The following DHX33 variants were observed in gnomAD, a reference collection of about 807,000 sequenced individuals.
The protein encoded by DHX33 is DEAH-box helicase 33.
In DHX33, 42 loss-of-function variants were observed where a neutral mutation model predicts 72.5. The ratio of observed to expected loss-of-function variants is 0.58; its 90% CI spans 0.45 to 0.75. DHX33 has a LOEUF of 0.75. Ranked by LOEUF, DHX33 falls within the 30% of genes least tolerant of loss-of-function variation. The pLI is 0.00. For synonymous variants in DHX33, 358 were observed against 366.1 expected, an observed-to-expected ratio of 0.98 and a Z score of 0.25; for missense variants, 842 against 917.5, an observed-to-expected ratio of 0.92 and a Z score of 1.06.
chr17:5,457,037 T>G (rs1904348995), intron 4 of DHX33, among the ~76,000 whole-genome samples: 1 of 152,150 alleles, frequency 6.6e-6, no homozygotes, highest in Non-Finnish European at 1.5e-5. Context: ...ATACATTAAT[T>G]TGTTTGATGT....
chr17:5,459,413 G>A (rs1904477682), intron 4 of DHX33, among the ~76,000 whole-genome samples: 2 of 151,812 alleles, frequency 1.3e-5, no homozygotes, highest in African/African-American at 4.8e-5. Flanking sequence ...ACTCTAAGTT[G>A]CAACCCATTA....
Position 5,444,407 on chromosome 17 carries a change from T to C in DHX33, c.1922A>G (p.Tyr641Cys), listed in dbSNP as rs745419066. 3.1e-6 allele frequency: 5 copies of C among 1,614,052 alleles called. No individual in the cohort carries two copies. In the African/African-American group the frequency reaches 4.0e-5, roughly 13 times the overall value. ...STAELQPDGT[Y>C]ATTDTHQPVA... ...TGGCTGGTGGGTGTCCGTGGTGGCATAGGTGCCATCTGGCTGAAGCTCGGC... is the reference window on the plus strand; with the variant it reads ...TGGCTGGTGGGTGTCCGTGGTGGCACAGGTGCCATCTGGCTGAAGCTCGGC... The change falls in exon 12 of 12, where the codon TAT (tyrosine) becomes TGT (cysteine). Residue 641 changes from tyrosine to cysteine, a missense_variant. Physicochemically the swap from Tyr to Cys is radical, Grantham distance 194 (BLOSUM62 -2). Transcript: ENST00000225296. This position sits in a 1 kb window ranked among gnomAD's most constrained non-coding sequence, Gnocchi z 4.9.
chr17:5,444,509 G>A lies in DHX33; in HGVS notation c.1820C>T (p.Ser607Leu). Reference protein sequence around the residue: ...AQLRDICLKMSMPIASSRGDV... With the variant: ...AQLRDICLKMLMPIASSRGDV... ...TCCTCGGGATGATGCGATTGGCATT[G>A]ACATCTGTTTCGGGAGAAAGCGAGG... is the stretch of plus-strand genomic sequence containing the variant. Residue 607 changes from serine to leucine, a missense_variant, in exon 12 of 12, where the codon TCA becomes TTA. Physicochemically the swap from Ser to Leu is moderately radical, Grantham distance 145. Transcript: ENST00000225296. This position sits in a 1 kb window ranked among gnomAD's most constrained non-coding sequence, Gnocchi z 4.9. 6.2e-7 allele frequency: 1 copy of A among 1,613,180 alleles called. No individual in the cohort carries two copies. Among genetic ancestry groups the A allele is most frequent in the Non-Finnish European group, 8.5e-7 (1 of 1,179,340 alleles).
chr17:5,441,451 T>C lies in DHX33; in HGVS notation c.*2754A>G, dbSNP rs981531877. Reference sequence around the variant, plus strand: ...CGGGAGCTGGTGATTCTTCCAGATATGGGTTTCGTAGGTTGGCAAAGAGTT... The same window carrying C: ...CGGGAGCTGGTGATTCTTCCAGATACGGGTTTCGTAGGTTGGCAAAGAGTT... On this transcript the variant is annotated 3_prime_UTR_variant, in exon 12 of 12. Transcript: ENST00000225296. 1.1e-4 allele frequency: 17 copies of C among 152,210 alleles called. No homozygotes were observed. The highest frequency in any genetic ancestry group is 1.6e-4 in the Non-Finnish European group (11 of 68,040). The allele number at this position is 152,210 out of a possible 1,614,324, so 9.4% of individuals were successfully genotyped here.
At chr17:5,447,312 G>A (rs1916693871) in intron 11 of DHX33, among the ~76,000 whole-genome samples, 1 of 152,038 alleles carries the variant, frequency 6.6e-6, no homozygotes, top group African/African-American at 2.4e-5. Flanking sequence ...GAGGTCAGGA[G>A]TTCGAGACCA....
chr17:5,452,570 A>G (rs901613451), intron 8 of DHX33, among the ~76,000 whole-genome samples: 8 of 151,528 alleles, frequency 5.3e-5, no homozygotes, highest in African/African-American at 1.9e-4. Context: ...AACATACTAC[A>G]GCAGGGGCTT....
Position 5,451,152 on chromosome 17 carries a change from C to G in DHX33, c.1397-218G>C, listed in dbSNP as rs148153325. ...ACAGAGTCTTGCTCTGTTGCCCACA[C>G]TGAAGTGCAATGGCGTGATCTCGGC... On this transcript the variant is annotated intron_variant, in intron 8 of 11. Coordinates refer to ENST00000225296, the MANE Select transcript of DHX33 (RefSeq NM_020162.4). 5.1e-3 allele frequency among the ~76,000 whole-genome samples: 778 copies of G among 152,332 alleles called. 4 individuals are homozygous for G. Among genetic ancestry groups the G allele is most frequent in the Admixed American group, 8.6e-3 (131 of 15,298 alleles).
chr17:5,444,242 T>G lies in DHX33; in HGVS notation c.2087A>C (p.Glu696Ala). 1 of 1,614,182 alleles carries G rather than the reference T, an allele frequency of 6.2e-7. No individual in the cohort carries two copies. The highest frequency in any genetic ancestry group is 8.5e-7 in the Non-Finnish European group (1 of 1,180,032). Residue 696 changes from glutamate to alanine, a missense_variant, in exon 12 of 12, where the codon GAG becomes GCG. By Grantham distance (107) the Glu-to-Ala change is moderately radical. Transcript: ENST00000225296. This position sits in a 1 kb window ranked among gnomAD's most constrained non-coding sequence, Gnocchi z 4.9. ...GGTTCTCAGCTTCCTCCTAAAGTAC[T>G]CAGGGGCAGCCTCGTACAGCCACTG... is the stretch of plus-strand genomic sequence containing the variant. The part of the protein sequence containing the change: ...DAQWLYEAAP[E>A]YFRRKLRTAR...
At chr17:5,446,817 G>A (rs762589278) in intron 11 of DHX33, among the ~76,000 whole-genome samples, 1 of 152,206 alleles carries the variant, frequency 6.6e-6, no homozygotes, top group Non-Finnish European at 1.5e-5. Flanking sequence ...CGTTTCTACT[G>A]TCAATGATAA....
chr17:5,450,010 AAC>A (rs1201434982), intron 10 of DHX33, among the ~76,000 whole-genome samples, 191 bp downstream of exon 10: 1 of 152,140 alleles, frequency 6.6e-6, no homozygotes, highest in Non-Finnish European at 1.5e-5. Context: ...ACACATTCGG[AAC>A]AGAGACCAGA....
intron 4 of DHX33, among the ~76,000 whole-genome samples, chr17:5,460,632 G>A (rs781220454): frequency 8.1e-4 from 122 of 151,522 alleles, no homozygotes; most frequent in Non-Finnish European, 2.1e-4. Context: ...TCAGCATCCC[G>A]AGTAGCTGGG....
At position 5,468,782 on chromosome 17, in the gene DHX33, G is replaced by T; in HGVS notation, c.78C>A (p.Phe26Leu). The change falls in exon 1 of 12, where the codon TTC (phenylalanine) becomes TTA (leucine). Residue 26 changes from phenylalanine to leucine, a missense_variant. Coordinates refer to ENST00000225296, the MANE Select transcript of DHX33 (RefSeq NM_020162.4). ...GSGPPSRAGS[F>L]PPGRQVVMLL... ...GCATCACCACTTGCCTCCCGGGAGG[G>T]AAGGACCCAGCGCGGCTCGGAGGTC... 6.2e-7 allele frequency: 1 copy of T among 1,607,486 alleles called. No individual in the cohort carries two copies.
intron 6 of DHX33, among the ~76,000 whole-genome samples, chr17:5,454,339 A>G (rs951779015): frequency 6.6e-5 from 10 of 152,128 alleles, no homozygotes; most frequent in African/African-American, 2.4e-4. Flanking sequence ...TGGGTGCTAA[A>G]ACTGGGAGTT....
intron 1 of DHX33, among the ~76,000 whole-genome samples, chr17:5,467,278 C>CAAACAACTACCCAA (rs1904912045): frequency 6.6e-6 from 1 of 152,160 alleles, no homozygotes; most frequent in Non-Finnish European, 1.5e-5. Flanking sequence ...GGCAATTTCA[C>CAAACAACTACCCAA]AAACAACTAC....
chr17:5,468,513 T>A, intron 1 of DHX33, 58 bp downstream of exon 1: 1 of 1,553,200 alleles, frequency 6.4e-7, no homozygotes, highest in Non-Finnish European at 8.7e-7. Flanking sequence ...TAAGAAAAAC[T>A]GCTCTAGCTA....
chr17:5,468,739 C>A lies in DHX33; in HGVS notation c.121G>T (p.Gly41Cys). Reference protein sequence around the residue: ...QVVMLLTAGSGGRGGGGGRRQ... With the variant: ...QVVMLLTAGSCGRGGGGGRRQ... ...CGGCCTCCTCCTCCTCCTCTGCCGC[C>A]GCTGCCCGCAGTCAGCAGCATCACC... Residue 41 changes from glycine (G) to cysteine (C), a missense_variant, in exon 1 of 12, where the codon GGC (glycine) becomes TGC (cysteine). Coordinates refer to ENST00000225296, the MANE Select transcript of DHX33 (RefSeq NM_020162.4). 1 of 1,611,262 alleles carries A rather than the reference C, an allele frequency of 6.2e-7. No individual in the cohort carries two copies.
rs1477141316 is a variant in DHX33, at chr17:5,442,846, TA to T, written c.*1358del. Reference sequence around the variant, plus strand: ...CTGGGGAAAGATTACTTGCTTCTGATAATTAAATAGCTAAGAGGAACCGTTA... The same window carrying T: ...CTGGGGAAAGATTACTTGCTTCTGATATTAAATAGCTAAGAGGAACCGTTA... On this transcript the variant is annotated 3_prime_UTR_variant, in exon 12 of 12. Transcript: ENST00000225296. The T allele has an allele frequency of 6.6e-6, 1 of 152,184 alleles. No individual in the cohort carries two copies. Among genetic ancestry groups the T allele is most frequent in the African/African-American group, 2.4e-5 (1 of 41,444 alleles). The allele number at this position is 152,184 out of a possible 1,614,324, so 9.4% of individuals were successfully genotyped here.
At chr17:5,448,399 G>C (rs1034860844) in intron 11 of DHX33, among the ~76,000 whole-genome samples, 4 of 152,076 alleles carry the variant, frequency 2.6e-5, no homozygotes, top group Non-Finnish European at 5.9e-5. Flanking sequence ...TGGAGGGGCA[G>C]GATTATGGGA....
At chr17:5,459,627 C>G (rs963348547) in intron 4 of DHX33, among the ~76,000 whole-genome samples, 2 of 151,996 alleles carry the variant, frequency 1.3e-5, no homozygotes, top group African/African-American at 4.8e-5. Flanking sequence ...ACAAGTCTTG[C>G]TATGTTGCCC....
Sources: gnomAD v4.1 joint callset for allele counts (sites outside exome capture counted in the v4.1 genomes callset) on GRCh38, gnomAD v4.1.1 for gene constraint, Gnocchi (gnomAD v3.1) non-coding constraint, MANE v1.5 for transcripts, NCBI Gene and HGNC (gene_info 2026-07-23, HGNC 2026-07-21) for gene names.